The following KCNH5 variants were observed in gnomAD, a reference collection of about 807,000 sequenced individuals.
KCNH5 encodes voltage-gated delayed rectifier potassium channel KCNH5.
KCNH5 carries 46 observed loss-of-function variants against 96.1 expected under a neutral mutation model. That is an observed-to-expected ratio of 0.48 (90% confidence interval 0.38 to 0.61). KCNH5 has a LOEUF of 0.61. Ranked by LOEUF, KCNH5 falls within the 20% of genes least tolerant of loss-of-function variation. The pLI, the probability that KCNH5 is intolerant of heterozygous loss-of-function variation, is 0.00. For synonymous variants in KCNH5, 439 were observed against 449.8 expected (o/e 0.98, Z 0.30); for missense variants, 907 against 1,225.8 (o/e 0.74, Z 3.88).
At position 62,802,369 on chromosome 14, in the gene KCNH5, G is replaced by A; in HGVS notation, c.1782C>T (p.Ser594=). 6.2e-7 allele frequency: 1 copy of A among 1,614,072 alleles called. No homozygotes were observed. The change falls in exon 9 of 11, where the codon TCC becomes TCT. Residue 594 remains serine (S), a synonymous_variant. Coordinates refer to ENST00000322893, the MANE Select transcript of KCNH5 (RefSeq NM_139318.5). ...CCTCATCATCCTGGATGACTTCCAA[G>A]GATCCTGACACCACAAAGCAGAGGG... ...VDALCFVVSG[S]LEVIQDDEVV...
chr14:62,803,701 C>T (rs1886710306), intron 8 of KCNH5, among the ~76,000 whole-genome samples: 1 of 152,084 alleles, frequency 6.6e-6, no homozygotes, highest in Non-Finnish European at 1.5e-5. Context: ...TGATTAAAGA[C>T]CCACATTAAA....
intron 7 of KCNH5, among the ~76,000 whole-genome samples, chr14:62,889,765 A>G: frequency 6.6e-6 from 1 of 152,210 alleles, no homozygotes; most frequent in East Asian, 1.9e-4. Flanking sequence ...ATGGTAATAA[A>G]TTATCCTGCA....
chr14:62,718,482 G>C (rs1331177231), intron 10 of KCNH5, among the ~76,000 whole-genome samples: 1 of 152,130 alleles, frequency 6.6e-6, no homozygotes, highest in Non-Finnish European at 1.5e-5. Flanking sequence ...TTAGTCATTG[G>C]AGAAATGCAA....
chr14:62,742,048 T>C (rs919899359), intron 10 of KCNH5, among the ~76,000 whole-genome samples: 1 of 152,134 alleles, frequency 6.6e-6, no homozygotes, highest in Admixed American at 6.6e-5. Context: ...AATTGAACAG[T>C]AATATCTTCC....
intron 10 of KCNH5, among the ~76,000 whole-genome samples, chr14:62,779,152 G>A (rs1886156018): frequency 6.6e-6 from 1 of 152,188 alleles, no homozygotes; most frequent in Non-Finnish European, 1.5e-5. Context: ...TTAAATTTGT[G>A]TCACACTCAT....
At chr14:62,862,515 A>C (rs925057547) in intron 7 of KCNH5, among the ~76,000 whole-genome samples, 1 of 152,200 alleles carries the variant, frequency 6.6e-6, no homozygotes, top group African/African-American at 2.4e-5. Flanking sequence ...GTAAGACTTT[A>C]CTGCTTCTCC....
At chr14:62,796,631 T>C (rs1181415723) in intron 9 of KCNH5, among the ~76,000 whole-genome samples, 1 of 152,202 alleles carries the variant, frequency 6.6e-6, no homozygotes, top group Non-Finnish European at 1.5e-5. Flanking sequence ...CATGTGAACC[T>C]GGAAAATCTG....
At chr14:62,778,008 T>C (rs1228805425) in intron 10 of KCNH5, among the ~76,000 whole-genome samples, 1 of 152,200 alleles carries the variant, frequency 6.6e-6, no homozygotes, top group African/African-American at 2.4e-5. Flanking sequence ...TATTCTCATG[T>C]GATTTGAAGG....
Position 62,768,223 on chromosome 14 carries a change from A to T in KCNH5, c.2019+11505T>A, listed in dbSNP as rs199934071. 2.6e-3 allele frequency among the ~76,000 whole-genome samples: 389 copies of T among 150,302 alleles called. 14 individuals are homozygous for T. The East Asian group carries it at 0.066, about 25-fold the overall frequency. On this transcript the variant is annotated intron_variant, in intron 10 of 10. Coordinates refer to ENST00000322893, the MANE Select transcript of KCNH5 (RefSeq NM_139318.5). ...TAAATTTATACAAATTATAAAAAAA[A>T]TTAAAAACAAAGAAAAAGTAAAACA...
At chr14:62,876,586 A>G (rs1003522721) in intron 7 of KCNH5, among the ~76,000 whole-genome samples, 2 of 152,266 alleles carry the variant, frequency 1.3e-5, no homozygotes, top group African/African-American at 4.8e-5. Context: ...AGAAAAACTG[A>G]CATTTTTAAA....
chr14:62,928,317 T>C (rs75208276), intron 7 of KCNH5, among the ~76,000 whole-genome samples: 19,101 of 152,118 alleles, frequency 0.13, 1,382 homozygotes, highest in East Asian at 0.28. Flanking sequence ...AATAATAGCC[T>C]AGCAGGGAAG....
intron 7 of KCNH5, among the ~76,000 whole-genome samples, chr14:62,930,590 C>T (rs554518007): frequency 2.0e-5 from 3 of 152,236 alleles, no homozygotes; most frequent in Admixed American, 6.5e-5. Context: ...GGCAAGTATG[C>T]CACTTGACAA....
chr14:62,885,404 A>G (rs1888576777), intron 7 of KCNH5, among the ~76,000 whole-genome samples: 1 of 152,232 alleles, frequency 6.6e-6, no homozygotes. Flanking sequence ...GCTCATAAAT[A>G]ATCATCGAAG....
At chr14:62,863,945 T>C (rs1193296026) in intron 7 of KCNH5, among the ~76,000 whole-genome samples, 1 of 152,196 alleles carries the variant, frequency 6.6e-6, no homozygotes, top group African/African-American at 2.4e-5. Flanking sequence ...AATTACCTCT[T>C]ATACTCATGG....
chr14:62,788,815 A>C (rs969174673), intron 9 of KCNH5, among the ~76,000 whole-genome samples: 4 of 152,058 alleles, frequency 2.6e-5, no homozygotes, highest in African/African-American at 9.7e-5. Context: ...AGGTATATGC[A>C]TTGTTTTTCT....
intron 7 of KCNH5, among the ~76,000 whole-genome samples, chr14:62,855,526 T>C (rs1354409570): frequency 6.6e-6 from 1 of 152,170 alleles, no homozygotes. Flanking sequence ...AAATAAATAA[T>C]TATTCTTTTC....
chr14:62,852,527 C>A (rs1330867379), intron 7 of KCNH5, among the ~76,000 whole-genome samples: 2 of 151,850 alleles, frequency 1.3e-5, no homozygotes, highest in Admixed American at 1.3e-4. Flanking sequence ...ACATCCTACA[C>A]AATTATAGTA....
chr14:62,901,731 T>C (rs542189217), intron 7 of KCNH5, among the ~76,000 whole-genome samples: 1 of 152,236 alleles, frequency 6.6e-6, no homozygotes, highest in East Asian at 1.9e-4. Flanking sequence ...GGATTTCTTT[T>C]GAAAATATAC....
intron 8 of KCNH5, among the ~76,000 whole-genome samples, chr14:62,820,351 C>CTTTT (rs34357540): frequency 6.9e-6 from 1 of 144,956 alleles, no homozygotes; most frequent in Non-Finnish European, 1.5e-5. Flanking sequence ...TTGTTATATA[C>CTTTT]TTTTTTTTTT....
Sources: gnomAD v4.1 joint callset for allele counts (sites outside exome capture counted in the v4.1 genomes callset) on GRCh38, gnomAD v4.1.1 for gene constraint, MANE v1.5 for transcripts, NCBI Gene and HGNC (gene_info 2026-07-23, HGNC 2026-07-21) for gene names.